QRSL1: variants seen among roughly 807,000 people sequenced by gnomAD.
The protein encoded by QRSL1 is glutaminyl-tRNA amidotransferase subunit QRSL1.
In QRSL1, 54 loss-of-function variants were observed where a neutral mutation model predicts 61.6. That is an observed-to-expected ratio of 0.88 (90% confidence interval 0.70 to 1.10). The LOEUF (loss-of-function observed/expected upper bound fraction) is 1.10. Among genes scored for constraint, QRSL1 ranks in the 50% least tolerant of loss-of-function variants. QRSL1 has a pLI of 0.00. For synonymous variants in QRSL1, 228 were observed against 225.7 expected, an observed-to-expected ratio of 1.01 and a Z score of -0.09; for missense variants, 505 against 622.6, an observed-to-expected ratio of 0.81 and a Z score of 2.01.
chr6:106,666,509 A>G lies in QRSL1; in HGVS notation c.*507A>G, dbSNP rs923945489. The stretch of plus-strand genomic sequence containing the variant: ...TTAGTAAGCATCCACTAAGTGTACA[A>G]TACTTCTACAATAACACAAGATACC... On this transcript the variant is annotated 3_prime_UTR_variant, in exon 11 of 11. Coordinates refer to ENST00000369046, the MANE Select transcript of QRSL1 (RefSeq NM_018292.5). 7 of 163,198 alleles carry G rather than the reference A, an allele frequency of 4.3e-5. No individual in the cohort carries two copies. The highest frequency in any genetic ancestry group is 3.9e-4 in the Admixed American group (7 of 17,910). 10.1% of individuals were successfully genotyped at this position (163,198 alleles called of 1,614,324 possible). A position where few individuals can be genotyped will look rare whatever the true frequency, so the allele number is the denominator to read the frequency against.
chr6:106,659,231 A>C (rs1293395617), intron 9 of QRSL1, among the ~76,000 whole-genome samples: 5 of 152,122 alleles, frequency 3.3e-5, no homozygotes, highest in African/African-American at 7.2e-5. Flanking sequence ...TTGGGAGGCC[A>C]AGGCGGGTGG....
chr6:106,667,584 G>A lies in QRSL1; in HGVS notation c.*1582G>A, dbSNP rs1411273076. 6.6e-6 allele frequency: 1 copy of A among 152,094 alleles called. No individual in the cohort carries two copies. Among genetic ancestry groups the A allele is most frequent in the African/African-American group, 2.4e-5 (1 of 41,416 alleles). 9.4% of individuals were successfully genotyped at this position (152,094 alleles called of 1,614,324 possible). On this transcript the variant is annotated 3_prime_UTR_variant, in exon 11 of 11. Coordinates refer to ENST00000369046, the MANE Select transcript of QRSL1 (RefSeq NM_018292.5). ...ATGACGTTCATGAAGAGAAAATAAT[G>A]AGTCAGAATCATCTGCAGAACCACT...
At chr6:106,665,633 C>T (rs1777419163) in intron 10 of QRSL1, 149 bp from the exon 11 acceptor site, 7 of 686,964 alleles carry the variant, frequency 1.0e-5, no homozygotes, top group Admixed American at 4.9e-5. Flanking sequence ...GTAAACAAAA[C>T]ATAGTACAAA....
chr6:106,645,070 C>A (rs1208084314), intron 4 of QRSL1, among the ~76,000 whole-genome samples: 2 of 152,136 alleles, frequency 1.3e-5, no homozygotes, highest in Non-Finnish European at 2.9e-5. Flanking sequence ...TGTTTCTGGA[C>A]TCTGTTGCAT....
Position 106,649,186 on chromosome 6 carries a change from C to G in QRSL1, c.542C>G (p.Ala181Gly), listed in dbSNP as rs776695628. The change falls in exon 5 of 11, where the codon GCG becomes GGG. Residue 181 changes from alanine (A) to glycine (G), a missense_variant. Ala to Gly is a moderately conservative substitution (Grantham distance 60). Coordinates refer to ENST00000369046, the MANE Select transcript of QRSL1 (RefSeq NM_018292.5). ...SSGGSAAAVS[A>G]FTCYAALGSD... ...GGTGGGAGTGCAGCTGCTGTATCGG[C>G]GTTCACATGCTACGCGTAAGATGCT... 6.2e-7 allele frequency: 1 copy of G among 1,614,060 alleles called. No individual in the cohort carries two copies. The highest frequency in any genetic ancestry group is 1.3e-5 in the African/African-American group (1 of 75,018).
At chr6:106,644,511 G>GTTTGTTT (rs1345149243) in intron 4 of QRSL1, among the ~76,000 whole-genome samples, 1 of 151,812 alleles carries the variant, frequency 6.6e-6, no homozygotes, top group African/African-American at 2.4e-5. Context: ...TTGTTTGTTT[G>GTTTGTTT]TTTGTTTTTT....
rs1777473143 is a variant in QRSL1 at position 106,668,338 on chromosome 6, C to CTT, written c.*2336_*2337insTT. 1 of 151,642 alleles carries CTT rather than the reference C, an allele frequency of 6.6e-6. No individual in the cohort carries two copies. Among genetic ancestry groups the CTT allele is most frequent in the East Asian group, 1.9e-4 (1 of 5,186 alleles). 9.4% of individuals were successfully genotyped at this position (151,642 alleles called of 1,614,324 possible). A position where few individuals can be genotyped will look rare whatever the true frequency, so the allele number is the denominator to read the frequency against. The stretch of plus-strand genomic sequence containing the variant: ...CTTAATCTAGTAGGTCTCATTTTGC[C>CTT]AAGTCACTGTCTGGGAATTTAAGTG... On this transcript the variant is annotated 3_prime_UTR_variant, in exon 11 of 11. Coordinates refer to ENST00000369046, the MANE Select transcript of QRSL1 (RefSeq NM_018292.5).
chr6:106,658,999 G>T (rs1777313913), intron 9 of QRSL1, among the ~76,000 whole-genome samples: 1 of 150,932 alleles, frequency 6.6e-6, no homozygotes, highest in African/African-American at 2.4e-5. Flanking sequence ...GCTTCCTTTT[G>T]GCTAGTTTCC....
chr6:106,638,828 C>T (rs1026745122), intron 1 of QRSL1, among the ~76,000 whole-genome samples: 11 of 152,200 alleles, frequency 7.2e-5, no homozygotes, highest in African/African-American at 2.6e-4. Flanking sequence ...AATGCCATTG[C>T]GTTGATGATT....
intron 5 of QRSL1, 36 bp downstream of exon 5, chr6:106,649,237 A>C: frequency 4.4e-6 from 7 of 1,573,054 alleles, no homozygotes; most frequent in Non-Finnish European, 6.1e-6. Flanking sequence ...TTTAAAACCC[A>C]CCCAAATACA....
intron 9 of QRSL1, among the ~76,000 whole-genome samples, chr6:106,656,215 A>G (rs1273393365): frequency 3.3e-5 from 5 of 152,212 alleles, no homozygotes; most frequent in Non-Finnish European, 5.9e-5. Flanking sequence ...TGGTATCCAC[A>G]GGGGTCTTGG....
chr6:106,654,654 C>A, intron 7 of QRSL1, 76 bp from the exon 8 acceptor site: 1 of 1,263,892 alleles, frequency 7.9e-7, no homozygotes, highest in Non-Finnish European at 1.1e-6. Flanking sequence ...ATAAAATCAT[C>A]TATACAGATG....
At chr6:106,652,679 T>C (rs1777208412) in intron 7 of QRSL1, 97 bp downstream of exon 7, 1 of 1,572,944 alleles carries the variant, frequency 6.4e-7, no homozygotes, top group Admixed American at 1.9e-5. Context: ...ATCTCTGCTC[T>C]GCCACTTTTA....
At chr6:106,641,361 A>G (rs1489959029) in intron 3 of QRSL1, among the ~76,000 whole-genome samples, 1 of 152,214 alleles carries the variant, frequency 6.6e-6, no homozygotes, top group Non-Finnish European at 1.5e-5. Flanking sequence ...GCTCATTGAT[A>G]ACATGGGAAT....
At chr6:106,658,968 C>A (rs1777313543) in intron 9 of QRSL1, among the ~76,000 whole-genome samples, 1 of 151,784 alleles carries the variant, frequency 6.6e-6, no homozygotes, top group South Asian at 2.1e-4. Flanking sequence ...TTTTTTTTCC[C>A]CCAGTCTTTT....
chr6:106,635,672 A>T (rs1279504089), intron 1 of QRSL1, among the ~76,000 whole-genome samples: 2 of 152,170 alleles, frequency 1.3e-5, no homozygotes. Flanking sequence ...CAGGAGTTCA[A>T]GACCAGCCTG....
At chr6:106,635,702 G>A (rs1208934843) in intron 1 of QRSL1, among the ~76,000 whole-genome samples, 5 of 151,944 alleles carry the variant, frequency 3.3e-5, no homozygotes, top group South Asian at 2.1e-4. Context: ...GTGAAACCCC[G>A]TCTCTACTAA....
intron 10 of QRSL1, among the ~76,000 whole-genome samples, chr6:106,663,399 T>C (rs1190627105): frequency 6.6e-6 from 1 of 152,150 alleles, no homozygotes; most frequent in Admixed American, 6.5e-5. Context: ...AAAAAGAGGT[T>C]TAATTGGCTC....
intron 10 of QRSL1, 141 bp downstream of exon 10, chr6:106,663,326 A>G: frequency 2.9e-6 from 2 of 697,198 alleles, no homozygotes; most frequent in Middle Eastern, 3.1e-4. Context: ...GTGTGTGTGT[A>G]CATGTATTAG....
Sources: allele counts gnomAD v4.1 joint callset (sites outside exome capture counted in the v4.1 genomes callset), GRCh38; gene constraint gnomAD v4.1.1; transcripts MANE v1.5; gene names NCBI Gene and HGNC (gene_info 2026-07-23, HGNC 2026-07-21).